CNBD1: variants seen among roughly 807,000 people sequenced by gnomAD.
CNBD1 encodes the protein cyclic nucleotide-binding domain-containing protein 1.
A neutral mutation model predicts 54.4 loss-of-function variants in CNBD1; 71 were observed. The ratio of observed to expected loss-of-function variants is 1.30; its 90% confidence interval spans 1.08 to 1.59. The LOEUF (loss-of-function observed/expected upper bound fraction) is 1.59. CNBD1 is among the 40% of genes most tolerant of loss of function. CNBD1 has a pLI of 0.00. For missense variants in CNBD1, 659 were observed against 518.0 expected, an observed-to-expected ratio of 1.27 and a Z score of -2.64; for synonymous variants, 182 against 170.7, an observed-to-expected ratio of 1.07 and a Z score of -0.51.
chr8:87,153,467 A>T (rs1812648512), intron 4 of CNBD1, among the ~76,000 whole-genome samples: 1 of 152,164 alleles, frequency 6.6e-6, no homozygotes, highest in Non-Finnish European at 1.5e-5. Context: ...ATTGATTTGT[A>T]AGTCATGTAA....
intron 8 of CNBD1, among the ~76,000 whole-genome samples, chr8:87,337,487 G>A (rs959121389): frequency 6.6e-6 from 1 of 152,190 alleles, no homozygotes; most frequent in Non-Finnish European, 1.5e-5. Context: ...TAGACTGCAG[G>A]CAGCTTCAGC....
chr8:87,020,672 GAA>G (rs34784236), intron 4 of CNBD1, among the ~76,000 whole-genome samples: 2 of 151,824 alleles, frequency 1.3e-5, no homozygotes, highest in East Asian at 1.9e-4. Context: ...ATGAGACAGG[GAA>G]AAAAAATGTT....
At chr8:87,379,165 G>T (rs1811019130) in intron 10 of CNBD1, among the ~76,000 whole-genome samples, 2 of 151,606 alleles carry the variant, frequency 1.3e-5, no homozygotes, top group African/African-American at 4.9e-5. Context: ...CTGCCTAATT[G>T]CCCTGGCCAG....
intron 4 of CNBD1, among the ~76,000 whole-genome samples, chr8:87,164,634 G>A (rs1040812687): frequency 5.9e-5 from 9 of 151,566 alleles, no homozygotes; most frequent in South Asian, 2.1e-4. Context: ...GGTATCAGTC[G>A]TAATGTCTCC....
In CNBD1 at chr8:87,305,557, C is replaced by T. The variant is rs576974663; in HGVS notation, c.1042+18886C>T. ...AGCATGGGATTGGTATAAAAATAGG[C>T]ACATAGACCCATGGAACAGAATAGA... On this transcript the variant is annotated intron_variant, in intron 8 of 10. Coordinates refer to ENST00000518476, the MANE Select transcript of CNBD1 (RefSeq NM_173538.3). Among the ~76,000 whole-genome samples, 6 of 152,170 alleles carry T rather than the reference C, an allele frequency of 3.9e-5. No homozygotes were observed. The South Asian group carries it at 1.0e-3, about 26-fold the overall frequency.
At chr8:87,279,434 A>G (rs1808546243) in intron 6 of CNBD1, among the ~76,000 whole-genome samples, 1 of 151,488 alleles carries the variant, frequency 6.6e-6, no homozygotes, top group African/African-American at 2.4e-5. Flanking sequence ...CAGACTAAAT[A>G]CTTTCATTAA....
intron 4 of CNBD1, among the ~76,000 whole-genome samples, chr8:87,164,807 T>C (rs2130762799): frequency 6.6e-6 from 1 of 151,988 alleles, no homozygotes; most frequent in South Asian, 2.1e-4. Context: ...TATTACTCTC[T>C]TCCTTCTGCT....
chr8:86,882,925 A>T (rs1489099984), intron 1 of CNBD1, among the ~76,000 whole-genome samples: 1 of 152,206 alleles, frequency 6.6e-6, no homozygotes, highest in Non-Finnish European at 1.5e-5. Flanking sequence ...CAGGAACAGA[A>T]CACCAAATAC....
chr8:87,019,139 G>A (rs1809430321), intron 4 of CNBD1, among the ~76,000 whole-genome samples: 1 of 152,084 alleles, frequency 6.6e-6, no homozygotes, highest in East Asian at 1.9e-4. Flanking sequence ...CTGTAAGTCT[G>A]TAACAAAAAC....
chr8:87,091,523 G>A lies in CNBD1; in HGVS notation c.432-114470G>A, dbSNP rs546654055. 3.3e-5 allele frequency among the ~76,000 whole-genome samples: 5 copies of A among 152,224 alleles called. No homozygotes were observed. In the South Asian group the frequency reaches 6.2e-4, roughly 19 times the overall value. ...AGCCCTGTGCTCATTTTGTCTCAGG[G>A]AACTAGGCTTTTTAAGTCATCTTGA... On this transcript the variant is annotated intron_variant, in intron 4 of 10. Coordinates refer to ENST00000518476, the MANE Select transcript of CNBD1 (RefSeq NM_173538.3).
rs200320008 is a variant in CNBD1, at chr8:86,996,009, AC to A, written c.431+56260del. Reference sequence around the variant, plus strand: ...AAGACCTGCCATGATTTCCACTTATACCCCCAGTCTAATTTTATTTGCTCTC... The same window carrying A: ...AAGACCTGCCATGATTTCCACTTATACCCCAGTCTAATTTTATTTGCTCTC... On this transcript the variant is annotated intron_variant, in intron 4 of 10. Transcript: ENST00000518476. Among the ~76,000 whole-genome samples the A allele has an allele frequency of 1.1e-4, 16 of 152,188 alleles. No individual in the cohort carries two copies. In the East Asian group the frequency reaches 3.1e-3, roughly 29 times the overall value.
intron 6 of CNBD1, among the ~76,000 whole-genome samples, chr8:87,278,476 A>G (rs971149985): frequency 4.6e-5 from 7 of 151,622 alleles, no homozygotes; most frequent in Non-Finnish European, 1.0e-4. Flanking sequence ...CTCGTAACAA[A>G]TAATGAATGC....
intron 10 of CNBD1, among the ~76,000 whole-genome samples, chr8:87,373,369 G>C (rs1191219163): frequency 6.6e-6 from 1 of 151,700 alleles, no homozygotes; most frequent in Non-Finnish European, 1.5e-5. Context: ...ACATAATTTG[G>C]AGTGCTGCTA....
At chr8:87,151,723 A>G (rs867280322) in intron 4 of CNBD1, among the ~76,000 whole-genome samples, 2 of 151,994 alleles carry the variant, frequency 1.3e-5, no homozygotes. Flanking sequence ...TTGCAAATTA[A>G]CTGTCTTAAT....
intron 8 of CNBD1, among the ~76,000 whole-genome samples, chr8:87,308,876 A>G (rs541443500): frequency 6.6e-6 from 1 of 152,142 alleles, no homozygotes; most frequent in Non-Finnish European, 1.5e-5. Flanking sequence ...TTCATTTAAT[A>G]TACCGACCTC....
intron 6 of CNBD1, among the ~76,000 whole-genome samples, chr8:87,276,887 C>T (rs1346277783): frequency 2.0e-5 from 3 of 151,562 alleles, no homozygotes; most frequent in Middle Eastern, 3.4e-3. Context: ...GCCAGAGCAC[C>T]ATGAATCTGA....
intron 4 of CNBD1, among the ~76,000 whole-genome samples, chr8:87,141,077 A>G (rs1027826352): frequency 2.0e-5 from 3 of 152,178 alleles, no homozygotes; most frequent in African/African-American, 7.2e-5. Context: ...ATTTTTAAAC[A>G]TGTAAAGGTT....
chr8:87,138,956 C>T (rs1812316706), intron 4 of CNBD1, among the ~76,000 whole-genome samples: 1 of 152,146 alleles, frequency 6.6e-6, no homozygotes, highest in South Asian at 2.1e-4. Context: ...TGAGCTTTCC[C>T]ATGAATGCAT....
At chr8:87,340,526 C>T (rs960189232) in intron 8 of CNBD1, among the ~76,000 whole-genome samples, 1 of 152,150 alleles carries the variant, frequency 6.6e-6, no homozygotes, top group African/African-American at 2.4e-5. Flanking sequence ...TGGGAACTCT[C>T]ATAATGCACA....
Sources: allele counts gnomAD v4.1 joint callset (sites outside exome capture counted in the v4.1 genomes callset), GRCh38; gene constraint gnomAD v4.1.1; transcripts MANE v1.5; gene names NCBI Gene and HGNC (gene_info 2026-07-23, HGNC 2026-07-21).